The following TMEM108 variants were observed in gnomAD, a reference collection of about 807,000 sequenced individuals.
TMEM108 encodes the protein transmembrane protein 108, also known as cancer/testis antigen 124.
In TMEM108, 12 loss-of-function variants were observed where a neutral mutation model predicts 35.1. The ratio of observed to expected loss-of-function variants is 0.34; its 90% confidence interval spans 0.22 to 0.55. The LOEUF (loss-of-function observed/expected upper bound fraction) is 0.55, where lower values mean the gene tolerates loss of function less well. TMEM108 is among the 20% of genes least tolerant of loss of function. The probability of loss-of-function intolerance (pLI) is 0.89; values close to 1 mark genes in which losing one functional copy is unlikely to be tolerated. For synonymous variants in TMEM108, 287 were observed against 308.6 expected, an observed-to-expected ratio of 0.93 and a Z score of 0.73; for missense variants, 680 against 753.3, an observed-to-expected ratio of 0.90 and a Z score of 1.14.
intron 2 of TMEM108, among the ~76,000 whole-genome samples, chr3:133,198,528 G>A (rs997079200): frequency 6.6e-6 from 1 of 152,216 alleles, no homozygotes; most frequent in Non-Finnish European, 1.5e-5. Context: ...GGATAAGCAG[G>A]AACTGCACCT....
chr3:133,215,542 C>A (rs1035980527), intron 2 of TMEM108, among the ~76,000 whole-genome samples: 1 of 152,032 alleles, frequency 6.6e-6, no homozygotes, highest in Non-Finnish European at 1.5e-5. Flanking sequence ...GAAAGCATTG[C>A]AAGTATTTAT....
intron 2 of TMEM108, among the ~76,000 whole-genome samples, chr3:133,112,383 AT>A (rs1173307232): frequency 1.3e-5 from 2 of 152,056 alleles, no homozygotes; most frequent in Non-Finnish European, 2.9e-5. Context: ...TGTGAGTACA[AT>A]TTTTACTGTC....
At chr3:133,261,057 ACAG>A (rs1430156536) in intron 3 of TMEM108, among the ~76,000 whole-genome samples, 1 of 152,152 alleles carries the variant, frequency 6.6e-6, no homozygotes, top group Non-Finnish European at 1.5e-5. Context: ...GATGGCAACA[ACAG>A]CATCATATGT....
intron 2 of TMEM108, among the ~76,000 whole-genome samples, chr3:133,156,795 G>C (rs1470063154): frequency 6.6e-6 from 1 of 152,054 alleles, no homozygotes; most frequent in East Asian, 1.9e-4. Flanking sequence ...TGAAATGTGG[G>C]CCCAAGTGGA....
At chr3:133,287,430 A>C (rs1288935639) in intron 3 of TMEM108, among the ~76,000 whole-genome samples, 1 of 152,166 alleles carries the variant, frequency 6.6e-6, no homozygotes, top group Non-Finnish European at 1.5e-5. Context: ...CAAGCTACTG[A>C]CAAATGTGAT....
At chr3:133,110,789 T>A (rs776105639) in intron 2 of TMEM108, among the ~76,000 whole-genome samples, 4 of 152,238 alleles carry the variant, frequency 2.6e-5, no homozygotes, top group Non-Finnish European at 5.9e-5. Flanking sequence ...GAATCTCCTA[T>A]AGGCTTTGTT....
chr3:133,087,564 A>T (rs115007215), intron 2 of TMEM108, among the ~76,000 whole-genome samples: 1 of 152,190 alleles, frequency 6.6e-6, no homozygotes, highest in Non-Finnish European at 1.5e-5. Context: ...CATTGTGACA[A>T]TTAGCCCTTG....
At chr3:133,081,061 T>C (rs1408300257) in intron 2 of TMEM108, among the ~76,000 whole-genome samples, 1 of 152,192 alleles carries the variant, frequency 6.6e-6, no homozygotes, top group African/African-American at 2.4e-5. Flanking sequence ...ATGTGGATAA[T>C]TACAGTTTCC....
At chr3:133,194,135 C>G (rs1945542156) in intron 2 of TMEM108, among the ~76,000 whole-genome samples, 1 of 152,024 alleles carries the variant, frequency 6.6e-6, no homozygotes, top group Non-Finnish European at 1.5e-5. Flanking sequence ...CGGGGTTTCA[C>G]CATATTGGTC....
At chr3:133,196,841 A>G (rs189763399) in intron 2 of TMEM108, among the ~76,000 whole-genome samples, 20 of 152,250 alleles carry the variant, frequency 1.3e-4, no homozygotes, top group African/African-American at 4.6e-4. Flanking sequence ...GTGGGAAGAG[A>G]AAAAGGGAAG....
chr3:133,208,811 T>A (rs959013927), intron 2 of TMEM108, among the ~76,000 whole-genome samples: 2 of 152,166 alleles, frequency 1.3e-5, no homozygotes, highest in African/African-American at 4.8e-5. Context: ...CCTCTGTGCC[T>A]TTGCATTTTC....
intron 1 of TMEM108, among the ~76,000 whole-genome samples, chr3:133,040,711 G>T (rs1296275767): frequency 6.6e-6 from 1 of 152,120 alleles, no homozygotes; most frequent in Non-Finnish European, 1.5e-5. Context: ...GTTATGCAAG[G>T]GACAACAAAA....
intron 3 of TMEM108, among the ~76,000 whole-genome samples, chr3:133,251,502 C>T (rs972206782): frequency 6.6e-6 from 1 of 152,076 alleles, no homozygotes; most frequent in Non-Finnish European, 1.5e-5. Context: ...AGTTTGTTTC[C>T]CACTCATAGG....
intron 2 of TMEM108, among the ~76,000 whole-genome samples, chr3:133,095,552 G>A (rs1292087026): frequency 6.7e-6 from 1 of 149,280 alleles, no homozygotes; most frequent in Non-Finnish European, 1.5e-5. Flanking sequence ...ATGTAGACTT[G>A]GTGGGAGCCC....
chr3:133,226,360 A>G (rs1457762294), intron 2 of TMEM108, among the ~76,000 whole-genome samples: 1 of 152,264 alleles, frequency 6.6e-6, no homozygotes, highest in East Asian at 1.9e-4. Context: ...AATTTCCTCT[A>G]CAAGAGATAG....
chr3:133,310,127 T>C (rs1041148725), intron 3 of TMEM108, among the ~76,000 whole-genome samples: 2 of 152,248 alleles, frequency 1.3e-5, no homozygotes, highest in African/African-American at 4.8e-5. Flanking sequence ...TCTAATTATG[T>C]GGTCAATTTT....
chr3:133,176,232 A>G (rs1488640572), intron 2 of TMEM108, among the ~76,000 whole-genome samples: 1 of 152,174 alleles, frequency 6.6e-6, no homozygotes, highest in African/African-American at 2.4e-5. Flanking sequence ...GGGAGACTTT[A>G]ACACCCCACT....
chr3:133,046,206 G>A (rs1054304747), intron 2 of TMEM108, among the ~76,000 whole-genome samples, 186 bp downstream of exon 2: 3 of 152,198 alleles, frequency 2.0e-5, no homozygotes, highest in Non-Finnish European at 1.5e-5. Flanking sequence ...AACCATGACC[G>A]AGGTGATGGG....
At chr3:133,225,336 G>A (rs987355859) in intron 2 of TMEM108, among the ~76,000 whole-genome samples, 4 of 151,978 alleles carry the variant, frequency 2.6e-5, no homozygotes, top group Admixed American at 1.3e-4. Context: ...ATAAGCCACC[G>A]CGCCCAGCCC....
Sources: gnomAD v4.1 joint callset for allele counts (sites outside exome capture counted in the v4.1 genomes callset) on GRCh38, gnomAD v4.1.1 for gene constraint, MANE v1.5 for transcripts, NCBI Gene and HGNC (gene_info 2026-07-23, HGNC 2026-07-21) for gene names.